BGN: variants seen among roughly 807,000 people sequenced by gnomAD.
The protein encoded by BGN is biglycan, also known as bone/cartilage proteoglycan-I.
A neutral mutation model predicts 20.0 loss-of-function variants in BGN; 6 were observed. The ratio of observed to expected loss-of-function variants is 0.30; its 90% CI spans 0.16 to 0.59. The LOEUF (loss-of-function observed/expected upper bound fraction) is 0.59, where lower values mean the gene tolerates loss of function less well. Ranked by LOEUF, BGN falls within the 20% of genes least tolerant of loss-of-function variation. BGN has a pLI of 0.88. For synonymous variants in BGN, 146 were observed against 134.6 expected, an observed-to-expected ratio of 1.08 and a Z score of -0.59; for missense variants, 292 against 312.1, an observed-to-expected ratio of 0.94 and a Z score of 0.49.
intron 1 of BGN, among the ~76,000 whole-genome samples, chrX:153,500,766 TGTGC>T (rs1183909351): frequency 9.0e-5 from 10 of 110,969 alleles, no homozygotes; most frequent in East Asian, 8.8e-4. Context: ...AATGTGTATG[TGTGC>T]GTGTGTGTGC....
intron 1 of BGN, among the ~76,000 whole-genome samples, chrX:153,501,529 C>T (rs1248749823): frequency 8.9e-6 from 1 of 112,857 alleles, no homozygotes; most frequent in African/African-American, 3.2e-5. Flanking sequence ...AATGGGGATA[C>T]TCATCAGGCC....
At chrX:153,500,154 T>G (rs1307826925) in intron 1 of BGN, among the ~76,000 whole-genome samples, 4 of 112,878 alleles carry the variant, frequency 3.5e-5, no homozygotes, top group African/African-American at 1.3e-4. Context: ...TGCCAACGCA[T>G]CTTGTTTGGC....
intron 7 of BGN, among the ~76,000 whole-genome samples, 153 bp from the exon 8 acceptor site, chrX:153,508,095 G>A (rs782662267): frequency 8.9e-6 from 1 of 112,351 alleles, no homozygotes; most frequent in Non-Finnish European, 1.9e-5. Context: ...CAAATAACAC[G>A]CCCATGCCTT....
At chrX:153,506,375 A>C (rs1282643394) in intron 4 of BGN, among the ~76,000 whole-genome samples, 154 bp from the exon 5 acceptor site, 2 of 111,534 alleles carry the variant, frequency 1.8e-5, no homozygotes, top group Admixed American at 9.5e-5. Flanking sequence ...AACAGCTAGG[A>C]GTTTGCAATT....
chrX:153,509,119 C>T lies in BGN; in HGVS notation c.*674C>T, dbSNP rs2089826501. ...TGTGTGTGTGTGTCTTGTGCTTCCT[C>T]AGACCTTTCTCGCTTCTGAGCTTGG... On this transcript the variant is annotated 3_prime_UTR_variant, in exon 8 of 8. Transcript: ENST00000331595. 1 of 104,786 alleles carries T rather than the reference C, an allele frequency of 9.5e-6. No individual in the cohort carries two copies. The highest frequency in any genetic ancestry group is 1.9e-5 in the Non-Finnish European group (1 of 52,407). 8.6% of individuals were successfully genotyped at this position (104,786 alleles called of 1,213,427 possible).
At chrX:153,496,330 C>T (rs199750887) in intron 1 of BGN, among the ~76,000 whole-genome samples, 3 of 113,022 alleles carry the variant, frequency 2.7e-5, no homozygotes, top group East Asian at 5.6e-4. Context: ...CGGGGACCAG[C>T]GCCCAGGGGT....
chrX:153,501,633 CCTG>C (rs1362457896), intron 1 of BGN, among the ~76,000 whole-genome samples: 2 of 112,639 alleles, frequency 1.8e-5, no homozygotes, highest in Non-Finnish European at 3.8e-5. Flanking sequence ...AGACACGGAG[CCTG>C]CCCCTTCCTC....
chrX:153,508,027 A>G (rs1331081807), intron 7 of BGN, among the ~76,000 whole-genome samples: 1 of 112,646 alleles, frequency 8.9e-6, no homozygotes, highest in Admixed American at 9.3e-5. Context: ...GACCCACCTG[A>G]GACCCTCATC....
chrX:153,499,023 G>C (rs531446413), intron 1 of BGN, among the ~76,000 whole-genome samples: 1 of 112,615 alleles, frequency 8.9e-6, no homozygotes, highest in South Asian at 3.7e-4. Flanking sequence ...CGGACAGACA[G>C]ACAGTGTGTG....
rs2089820544 is a variant in BGN at position 153,508,628 on chromosome X, T to G, written c.*183T>G. On this transcript the variant is annotated 3_prime_UTR_variant, in exon 8 of 8. Coordinates refer to ENST00000331595, the MANE Select transcript of BGN (RefSeq NM_001711.6). Reference sequence around the variant, plus strand: ...ACCGCCTCTCCCTGGCTCCCAAGGGTGCAGGTGGGCGCAAGGCCCGGCCCC... The same window carrying G: ...ACCGCCTCTCCCTGGCTCCCAAGGGGGCAGGTGGGCGCAAGGCCCGGCCCC... The G allele has an allele frequency of 7.4e-6, 4 of 543,327 alleles. No homozygotes were observed. The highest frequency in any genetic ancestry group is 2.4e-5 in the African/African-American group (1 of 42,436). The allele number at this position is 543,327 out of a possible 1,213,427, so 44.8% of individuals were successfully genotyped here.
intron 1 of BGN, among the ~76,000 whole-genome samples, chrX:153,496,019 G>A (rs977871164): frequency 1.4e-4 from 16 of 112,717 alleles, no homozygotes; most frequent in African/African-American, 4.5e-4. Context: ...GGCCCACGGA[G>A]GGGAGCGCCC....
chrX:153,505,877 G>A lies in BGN; in HGVS notation c.366G>A (p.Val122=). Residue 122 remains valine (V), a synonymous_variant, in exon 4 of 8, where the codon GTG becomes GTA. Transcript: ENST00000331595. ...CCCTGCTTCAGGCCCTCGTCCTGGTGAACAACAAGATCTCCAAGATCCATG... is the reference window on the plus strand; with the variant it reads ...CCCTGCTTCAGGCCCTCGTCCTGGTAAACAACAAGATCTCCAAGATCCATG... ...GLQHLYALVL[V]NNKISKIHEK... is the part of the protein sequence containing the mutation. The A allele has an allele frequency of 8.3e-7, 1 of 1,211,316 alleles. No homozygotes were observed. The highest frequency in any genetic ancestry group is 1.1e-6 in the Non-Finnish European group (1 of 895,332).
chrX:153,500,924 T>C (rs897756313), intron 1 of BGN, among the ~76,000 whole-genome samples: 2 of 112,017 alleles, frequency 1.8e-5, no homozygotes, highest in East Asian at 5.6e-4. Flanking sequence ...TGTATATGTG[T>C]ATCATATGTG....
intron 1 of BGN, among the ~76,000 whole-genome samples, chrX:153,503,614 C>T (rs1205300624): frequency 4.5e-5 from 5 of 111,986 alleles, no homozygotes; most frequent in South Asian, 3.7e-4. Context: ...TGCCTCTGGA[C>T]GGGAGACCGT....
chrX:153,505,813 G>A, intron 3 of BGN, 50 bp from the exon 4 acceptor site: 1 of 1,078,085 alleles, frequency 9.3e-7, no homozygotes, highest in Non-Finnish European at 1.3e-6. Flanking sequence ...GAGAGGGGCG[G>A]GTGGGGTGGG....
At position 153,506,000 on chromosome X, in the gene BGN, G is replaced by A; in HGVS notation, c.489G>A (p.Glu163=). The change falls in exon 4 of 8, where the codon GAG becomes GAA. Residue 163 remains glutamate (E), a synonymous_variant. Transcript: ENST00000331595. ...IPPNLPSSLV[E]LRIHDNRIRK... is the part of the protein sequence containing the mutation. ...CCAACCTACCCAGCTCCCTGGTGGA[G>A]CTCCGCATCCACGACAACCGCATCC... 1 of 1,211,928 alleles carries A rather than the reference G, an allele frequency of 8.3e-7. No individual in the cohort carries two copies. Among genetic ancestry groups the A allele is most frequent in the Non-Finnish European group, 1.1e-6 (1 of 895,534 alleles).
chrX:153,496,948 G>GCCCCCCCCCCCCCCCCCCCCCCCCCCCCC (rs782676136), intron 1 of BGN, among the ~76,000 whole-genome samples: 1 of 57,194 alleles, frequency 1.7e-5, no homozygotes, highest in African/African-American at 8.1e-5. Flanking sequence ...TGCTTCCCGG[G>GCCCCCCCCCCCCCCCCCCCCCCCCCCCCC]CCCACCCCCC....
At position 153,504,657 on chromosome X, in the gene BGN, C is replaced by T. The variant is rs782144541; in HGVS notation, c.26C>T (p.Ser9Phe). Residue 9 changes from serine to phenylalanine, a missense_variant, in exon 2 of 8, where the codon TCT (serine) becomes TTT (phenylalanine). Ser to Phe is a radical substitution (Grantham distance 155). Coordinates refer to ENST00000331595, the MANE Select transcript of BGN (RefSeq NM_001711.6). Reference sequence around the variant, plus strand: ...ATGTGGCCCCTGTGGCGCCTCGTGTCTCTGCTGGCCCTGAGCCAGGCCCTG... The same window carrying T: ...ATGTGGCCCCTGTGGCGCCTCGTGTTTCTGCTGGCCCTGAGCCAGGCCCTG... MWPLWRLVSLLALSQALPF... is the reference protein window; with the variant it reads MWPLWRLVFLLALSQALPF... 11 of 1,208,467 alleles carry T rather than the reference C, an allele frequency of 9.1e-6. No individual in the cohort carries two copies. In the Admixed American group the frequency reaches 1.1e-4, roughly 12 times the overall value.
intron 1 of BGN, among the ~76,000 whole-genome samples, chrX:153,501,465 G>C (rs1468710884): frequency 8.9e-6 from 1 of 112,807 alleles, no homozygotes; most frequent in Non-Finnish European, 1.9e-5. Flanking sequence ...GTCAGGCTGA[G>C]TGACTTGGGA....
Sources: gnomAD v4.1 joint callset for allele counts (sites outside exome capture counted in the v4.1 genomes callset) on GRCh38, gnomAD v4.1.1 for gene constraint, MANE v1.5 for transcripts, NCBI Gene and HGNC (gene_info 2026-07-23, HGNC 2026-07-21) for gene names.